Variants in MAP3K20 observed in about 807,000 individuals in gnomAD.
MAP3K20 encodes HCCS-4.
Under a neutral mutation model 85.7 loss-of-function variants are expected in MAP3K20, and 40 were observed. That is an observed-to-expected ratio of 0.47 (90% CI 0.36 to 0.61). MAP3K20 has a LOEUF of 0.61. MAP3K20 is among the 20% of genes least tolerant of loss of function. MAP3K20 has a pLI of 0.00. For synonymous variants in MAP3K20, 325 were observed against 327.7 expected, an observed-to-expected ratio of 0.99 and a Z score of 0.09; for missense variants, 817 against 961.7, an observed-to-expected ratio of 0.85 and a Z score of 1.99.
chr2:173,107,330 G>A (rs1399580708), intron 2 of MAP3K20, among the ~76,000 whole-genome samples: 1 of 152,186 alleles, frequency 6.6e-6, no homozygotes, highest in Non-Finnish European at 1.5e-5. Flanking sequence ...GGAAGGTTTA[G>A]AGAAGAGGTT....
chr2:173,265,760 A>T (rs1685404642), intron 19 of MAP3K20, among the ~76,000 whole-genome samples: 1 of 152,236 alleles, frequency 6.6e-6, no homozygotes, highest in Admixed American at 6.5e-5. Context: ...TTATAGAATA[A>T]AACTATTAGT....
intron 2 of MAP3K20, among the ~76,000 whole-genome samples, chr2:173,140,805 A>G (rs983006890): frequency 1.1e-4 from 16 of 151,120 alleles, no homozygotes; most frequent in African/African-American, 3.7e-4. Context: ...GTGTATGACA[A>G]AATTATGCGG....
intron 2 of MAP3K20, among the ~76,000 whole-genome samples, chr2:173,169,082 A>T (rs1162407798): frequency 6.6e-6 from 1 of 152,198 alleles, no homozygotes; most frequent in African/African-American, 2.4e-5. Flanking sequence ...ATGATTAGAT[A>T]AATAAGTGGG....
chr2:173,096,870 T>C (rs1687477190), intron 2 of MAP3K20, among the ~76,000 whole-genome samples: 2 of 152,334 alleles, frequency 1.3e-5, no homozygotes, highest in East Asian at 1.9e-4. Context: ...ATCTTAAGCA[T>C]ATACACCAAA....
At chr2:173,234,145 C>T (rs1281069463) in intron 14 of MAP3K20, among the ~76,000 whole-genome samples, 1 of 139,034 alleles carries the variant, frequency 7.2e-6, no homozygotes, top group Non-Finnish European at 1.6e-5. Flanking sequence ...AAGATGCTCC[C>T]ACCTCCCCTT....
chr2:173,157,585 G>A (rs558792506), intron 2 of MAP3K20, among the ~76,000 whole-genome samples: 2 of 152,230 alleles, frequency 1.3e-5, no homozygotes, highest in Non-Finnish European at 2.9e-5. Context: ...TTTCTCTTAT[G>A]GGATGTAAAT....
chr2:173,256,850 G>A (rs74516364), intron 16 of MAP3K20, among the ~76,000 whole-genome samples: 3,995 of 152,036 alleles, frequency 0.026, 184 homozygotes, highest in African/African-American at 0.091. Flanking sequence ...ATATTTCAGT[G>A]TGCTAGAATA....
chr2:173,258,727 T>G lies in MAP3K20; in HGVS notation c.1388T>G (p.Met463Arg), dbSNP rs201029003. Residue 463 changes from methionine (M) to arginine (R), a missense_variant, in exon 17 of 20, where the codon ATG becomes AGG. Transcript: ENST00000375213. ...QDCKWKMYME[M>R]DGDEIAITYI... The stretch of plus-strand genomic sequence containing the variant: ...TGTAAGTGGAAAATGTATATGGAGA[T>G]GGATGGGGATGAAATTGCAATAACC... 2.5e-6 allele frequency: 4 copies of G among 1,610,912 alleles called. No homozygotes were observed. The East Asian group carries it at 8.9e-5, about 36-fold the overall frequency.
chr2:173,158,684 A>G (rs755632620), intron 2 of MAP3K20, among the ~76,000 whole-genome samples: 2 of 152,252 alleles, frequency 1.3e-5, no homozygotes, highest in African/African-American at 4.8e-5. Flanking sequence ...ATCATTGATT[A>G]TAAAGGAAGG....
intron 16 of MAP3K20, among the ~76,000 whole-genome samples, chr2:173,252,451 T>C (rs1558911237): frequency 6.6e-6 from 1 of 152,198 alleles, no homozygotes; most frequent in African/African-American, 2.4e-5. Flanking sequence ...TACCCAGGTA[T>C]TTCAGCAGAT....
intron 2 of MAP3K20, among the ~76,000 whole-genome samples, chr2:173,134,428 A>ATATATATATATATTTTTT (rs56330241): frequency 3.2e-4 from 1 of 3,156 alleles, no homozygotes; most frequent in Admixed American, 6.0e-3. Flanking sequence ...ATATATATAT[A>ATATATATATATATTTTTT]TTTTTTTTTT....
At chr2:173,106,940 G>A (rs1316854338) in intron 2 of MAP3K20, among the ~76,000 whole-genome samples, 1 of 152,152 alleles carries the variant, frequency 6.6e-6, no homozygotes, top group Non-Finnish European at 1.5e-5. Flanking sequence ...GACTGCGGCA[G>A]GGTGAAGGAC....
At chr2:173,105,910 TTTATG>T (rs1201510037) in intron 2 of MAP3K20, among the ~76,000 whole-genome samples, 1 of 152,184 alleles carries the variant, frequency 6.6e-6, no homozygotes, top group Admixed American at 6.5e-5. Context: ...ATTGGTAAGT[TTTATG>T]TTATGTACTA....
chr2:173,215,280 C>T (rs1029307369), intron 10 of MAP3K20, among the ~76,000 whole-genome samples: 1 of 152,222 alleles, frequency 6.6e-6, no homozygotes, highest in Non-Finnish European at 1.5e-5. Context: ...GCACCCAGCT[C>T]CACCACCTCC....
At chr2:173,251,560 G>A (rs1685043170) in intron 16 of MAP3K20, among the ~76,000 whole-genome samples, 1 of 152,180 alleles carries the variant, frequency 6.6e-6, no homozygotes, top group South Asian at 2.1e-4. Context: ...AGTACCTGCT[G>A]TAAAATTCTA....
intron 11 of MAP3K20, chr2:173,223,370 G>A: frequency 1.1e-6 from 1 of 888,242 alleles, no homozygotes; most frequent in Non-Finnish European, 1.3e-6. Context: ...AAGGATCATT[G>A]TGCGGATTAA....
intron 9 of MAP3K20, 91 bp downstream of exon 9, chr2:173,203,961 T>A: frequency 8.1e-7 from 1 of 1,228,958 alleles, no homozygotes; most frequent in Non-Finnish European, 1.2e-6. Flanking sequence ...TAAAATTCAT[T>A]ACAAAGCAAA....
chr2:173,094,070 C>T (rs1423796074), intron 2 of MAP3K20, among the ~76,000 whole-genome samples: 2 of 151,824 alleles, frequency 1.3e-5, no homozygotes, highest in Non-Finnish European at 2.9e-5. Context: ...AGCACACCAG[C>T]ATGGCACGTG....
At chr2:173,096,943 G>A (rs1414216499) in intron 2 of MAP3K20, among the ~76,000 whole-genome samples, 2 of 152,142 alleles carry the variant, frequency 1.3e-5, no homozygotes, top group East Asian at 3.9e-4. Context: ...GGATCAAATT[G>A]AACTGCTTAG....
Sources: allele counts gnomAD v4.1 joint callset (sites outside exome capture counted in the v4.1 genomes callset), GRCh38; gene constraint gnomAD v4.1.1; transcripts MANE v1.5; gene names NCBI Gene and HGNC (gene_info 2026-07-23, HGNC 2026-07-21).